The following TMEM128 variants were observed in gnomAD, a reference collection of about 807,000 sequenced individuals.
TMEM128 encodes transmembrane protein 128.
In TMEM128, 16 loss-of-function variants were observed where a neutral mutation model predicts 19.7. The ratio of observed to expected loss-of-function variants is 0.81; its 90% confidence interval spans 0.55 to 1.23. TMEM128 has a LOEUF of 1.23. Among genes scored for constraint, TMEM128 ranks in the 50% most tolerant of loss-of-function variants. The pLI is 0.00. For missense variants in TMEM128, 237 were observed against 200.8 expected (o/e 1.18, Z -1.09); for synonymous variants, 98 against 75.8 (o/e 1.29, Z -1.52).
intron 3 of TMEM128, 52 bp downstream of exon 3, chr4:4,240,268 TC>T (rs1435033119): frequency 1.9e-6 from 3 of 1,583,742 alleles, no homozygotes; most frequent in African/African-American, 1.4e-5. Context: ...CACTATCTGA[TC>T]AAAAAAAAAA....
At chr4:4,242,282 T>G (rs1412380078) in intron 2 of TMEM128, among the ~76,000 whole-genome samples, 1 of 148,648 alleles carries the variant, frequency 6.7e-6, no homozygotes, top group Admixed American at 6.7e-5. Context: ...TCTCTTCTGC[T>G]AGAGCATGCA....
At chr4:4,236,492 G>A (rs1187393882) in intron 4 of TMEM128, among the ~76,000 whole-genome samples, 1 of 152,184 alleles carries the variant, frequency 6.6e-6, no homozygotes, top group East Asian at 1.9e-4. Flanking sequence ...AAGGGGCTGA[G>A]AACACGAGAA....
chr4:4,241,129 G>A (rs951398603), intron 2 of TMEM128, among the ~76,000 whole-genome samples: 1 of 152,098 alleles, frequency 6.6e-6, no homozygotes, highest in Non-Finnish European at 1.5e-5. Flanking sequence ...GGAAGATAGT[G>A]GCTTTCTGGT....
chr4:4,244,155 C>A (rs1718071764), intron 2 of TMEM128, among the ~76,000 whole-genome samples: 1 of 152,176 alleles, frequency 6.6e-6, no homozygotes, highest in Non-Finnish European at 1.5e-5. Flanking sequence ...AAGGAAAGAG[C>A]AGCTGCTATT....
In TMEM128 at chr4:4,242,312, C is replaced by A. The variant is rs111695132; in HGVS notation, c.240-1833G>T. 2.6e-5 allele frequency among the ~76,000 whole-genome samples: 4 copies of A among 151,954 alleles called. 1 individual carries two copies. Among genetic ancestry groups the A allele is most frequent in the African/African-American group, 9.7e-5 (4 of 41,444 alleles). On this transcript the variant is annotated intron_variant, in intron 2 of 4. Coordinates refer to ENST00000382753, the MANE Select transcript of TMEM128 (RefSeq NM_001297551.2). ...CATGCAATCTCACTGGGGGGAGTAT[C>A]GCCCCCAAAGTGAAGAAAAAAATAT... is the stretch of plus-strand genomic sequence containing the variant.
At position 4,248,193 on chromosome 4, in the gene TMEM128, A is replaced by C. The variant is rs755405213; in HGVS notation, c.10T>G (p.Ser4Ala). ...CGCCGGAGCTGCTGCCGGGCCCGCGAGGAGTCCATCTTGGTACCGCCCCGA... is the reference window on the plus strand; with the variant it reads ...CGCCGGAGCTGCTGCCGGGCCCGCGCGGAGTCCATCTTGGTACCGCCCCGA... MDS[S>A]RARQQLRRRF... Residue 4 changes from serine (S) to alanine (A), a missense_variant, in exon 1 of 5, where the codon TCG becomes GCG. Coordinates refer to ENST00000382753, the MANE Select transcript of TMEM128 (RefSeq NM_001297551.2). The C allele has an allele frequency of 6.6e-7, 1 of 1,525,696 alleles. No homozygotes were observed. The highest frequency in any genetic ancestry group is 1.2e-5 in the South Asian group (1 of 82,720). 94.5% of individuals were successfully genotyped at this position (1,525,696 alleles called of 1,614,324 possible). A position where few individuals can be genotyped will look rare whatever the true frequency, so the allele number is the denominator to read the frequency against.
chr4:4,240,491 A>C lies in TMEM128; in HGVS notation c.240-12T>G. On this transcript the variant is annotated splice_polypyrimidine_tract_variant and intron_variant, in intron 2 of 4. Transcript: ENST00000382753. ...CACAGAGAAACCAGCTGTGGAGATA[A>C]AAACAGTAAGAGGTCTGACAGCACT... 6.2e-7 allele frequency: 1 copy of C among 1,610,286 alleles called. No homozygotes were observed. Among genetic ancestry groups the C allele is most frequent in the Non-Finnish European group, 8.5e-7 (1 of 1,177,924 alleles).
intron 4 of TMEM128, chr4:4,237,128 G>C: frequency 2.2e-6 from 1 of 450,648 alleles, no homozygotes; most frequent in East Asian, 7.0e-5. Flanking sequence ...AGCTGATTGT[G>C]TCATCCAACA....
At chr4:4,242,745 C>T (rs746555848) in intron 2 of TMEM128, among the ~76,000 whole-genome samples, 1 of 152,216 alleles carries the variant, frequency 6.6e-6, no homozygotes, top group East Asian at 2.0e-4. Flanking sequence ...TCTTGAACTC[C>T]TGACCTCAGG....
At chr4:4,244,296 A>C (rs1718081762) in intron 2 of TMEM128, among the ~76,000 whole-genome samples, 1 of 151,972 alleles carries the variant, frequency 6.6e-6, no homozygotes. Flanking sequence ...GGCAACATGA[A>C]GAGACCTCGT....
Position 4,235,712 on chromosome 4 carries a change from T to A in TMEM128, c.*554A>T, listed in dbSNP as rs78934832. On this transcript the variant is annotated 3_prime_UTR_variant, in exon 5 of 5. Transcript: ENST00000382753. ...ATTTGGTCCTGTCACCTAACAAAAC[T>A]ATCATAAATATGAGATTATAGTAAT... The A allele has an allele frequency of 6.6e-6, 1 of 152,640 alleles. No individual in the cohort carries two copies. Among genetic ancestry groups the A allele is most frequent in the African/African-American group, 2.4e-5 (1 of 41,450 alleles). The allele number at this position is 152,640 out of a possible 1,614,324, so 9.5% of individuals were successfully genotyped here. A position where few individuals can be genotyped will look rare whatever the true frequency, so the allele number is the denominator to read the frequency against.
intron 2 of TMEM128, among the ~76,000 whole-genome samples, chr4:4,241,797 A>C (rs556068575): frequency 6.6e-6 from 1 of 152,352 alleles, no homozygotes; most frequent in East Asian, 1.9e-4. Context: ...TATTGACAGT[A>C]CTTAACTCAG....
intron 2 of TMEM128, among the ~76,000 whole-genome samples, chr4:4,243,856 C>A (rs1229024907): frequency 6.6e-6 from 1 of 152,116 alleles, no homozygotes; most frequent in Non-Finnish European, 1.5e-5. Flanking sequence ...TCTTACTCTG[C>A]CATTTCTCTA....
intron 3 of TMEM128, among the ~76,000 whole-genome samples, chr4:4,239,965 C>T (rs897325376): frequency 5.9e-5 from 9 of 152,154 alleles, no homozygotes; most frequent in Non-Finnish European, 1.2e-4. Flanking sequence ...GAAGGGGGTT[C>T]CCAGTGTGCT....
At position 4,236,689 on chromosome 4, in the gene TMEM128, G is replaced by A. The variant is rs200760786; in HGVS notation, c.*10-433C>T. Among the ~76,000 whole-genome samples, 20 of 152,350 alleles carry A rather than the reference G, an allele frequency of 1.3e-4. No homozygotes were observed. In the East Asian group the frequency reaches 3.5e-3, roughly 26 times the overall value. On this transcript the variant is annotated intron_variant, in intron 4 of 4. Coordinates refer to ENST00000382753, the MANE Select transcript of TMEM128 (RefSeq NM_001297551.2). ...GAGACATTGGCGTGGGCATGGAGGT[G>A]CTAGCAACTATTTTCAGACTGCTAA...
chr4:4,237,428 C>T (rs1717764033), intron 4 of TMEM128, among the ~76,000 whole-genome samples: 1 of 152,170 alleles, frequency 6.6e-6, no homozygotes, highest in Non-Finnish European at 1.5e-5. Context: ...AGAGTCTCAG[C>T]CCCCAACCCC....
chr4:4,243,241 A>G (rs1297767250), intron 2 of TMEM128, among the ~76,000 whole-genome samples: 1 of 151,946 alleles, frequency 6.6e-6, no homozygotes, highest in Non-Finnish European at 1.5e-5. Flanking sequence ...CACCATGCCC[A>G]GCTAATTGTT....
rs1163675083 is a variant in TMEM128, at chr4:4,248,121, C to T, written c.82G>A (p.Gly28Ser). The T allele has an allele frequency of 1.2e-5, 19 of 1,536,278 alleles. No homozygotes were observed. Among genetic ancestry groups the T allele is most frequent in the Non-Finnish European group, 1.6e-5 (18 of 1,144,180 alleles). Residue 28 changes from glycine to serine, a missense_variant, in exon 1 of 5, where the codon GGT (glycine) becomes AGT (serine). By Grantham distance (56) the Gly-to-Ser change is moderately conservative (BLOSUM62 0). Transcript: ENST00000382753. The stretch of plus-strand genomic sequence containing the variant: ...CGCGCCTCACCCGGCCCGGCGTCAC[C>T]CTCGCGGTCCAGCTGGGCCTCGGCG... ...PDAEAQLDRE[G>S]DAGPETSTAV...
intron 3 of TMEM128, among the ~76,000 whole-genome samples, chr4:4,239,007 G>A (rs1391299868): frequency 2.0e-5 from 3 of 151,978 alleles, no homozygotes; most frequent in African/African-American, 4.8e-5. Flanking sequence ...ACTGCACTCC[G>A]GCCTGGGTGA....
Sources: gnomAD v4.1 joint callset for allele counts (sites outside exome capture counted in the v4.1 genomes callset) on GRCh38, gnomAD v4.1.1 for gene constraint, MANE v1.5 for transcripts, NCBI Gene and HGNC (gene_info 2026-07-23, HGNC 2026-07-21) for gene names.